The following ACVR1C variants were observed in gnomAD, a reference collection of about 807,000 sequenced individuals.
ACVR1C encodes activin receptor type-1C.
In ACVR1C, 23 loss-of-function variants were observed where a neutral mutation model predicts 57.9. That is an observed-to-expected ratio of 0.40 (90% CI 0.29 to 0.56). The LOEUF is 0.56. Among genes scored for constraint, ACVR1C ranks in the 20% least tolerant of loss-of-function variants. The pLI, the probability that ACVR1C is intolerant of heterozygous loss-of-function variation, is 0.50. For missense variants in ACVR1C, 480 were observed against 607.9 expected (o/e 0.79, Z 2.21); for synonymous variants, 214 against 215.3 (o/e 0.99, Z 0.05).
chr2:157,579,740 A>T (rs1232169856), intron 2 of ACVR1C, among the ~76,000 whole-genome samples: 1 of 152,212 alleles, frequency 6.6e-6, no homozygotes, highest in Non-Finnish European at 1.5e-5. Flanking sequence ...CCTCTTTATT[A>T]ACAAACAATA....
intron 1 of ACVR1C, among the ~76,000 whole-genome samples, chr2:157,623,042 A>AT (rs1453540636): frequency 6.6e-6 from 1 of 152,232 alleles, no homozygotes; most frequent in Non-Finnish European, 1.5e-5. Context: ...AGAAATGCAA[A>AT]TAAAAACTAC....
intron 8 of ACVR1C, among the ~76,000 whole-genome samples, chr2:157,536,865 T>G (rs1386014282): frequency 6.6e-6 from 1 of 152,154 alleles, no homozygotes; most frequent in Non-Finnish European, 1.5e-5. Flanking sequence ...TGTACAAAAT[T>G]GTTCACACTA....
chr2:157,621,713 G>C (rs187635168), intron 1 of ACVR1C, among the ~76,000 whole-genome samples: 250 of 152,240 alleles, frequency 1.6e-3, no homozygotes, highest in Admixed American at 2.9e-3. Context: ...TGGAACTCCT[G>C]CCAGTTTCCA....
chr2:157,613,515 G>T (rs1324698485), intron 1 of ACVR1C, among the ~76,000 whole-genome samples: 2 of 152,058 alleles, frequency 1.3e-5, no homozygotes, highest in Non-Finnish European at 2.9e-5. Context: ...CCACAGATAT[G>T]GAGGGCCAAC....
intron 2 of ACVR1C, among the ~76,000 whole-genome samples, chr2:157,565,879 T>G (rs1688358222): frequency 6.6e-6 from 1 of 152,208 alleles, no homozygotes; most frequent in Non-Finnish European, 1.5e-5. Flanking sequence ...CCATTAGCAT[T>G]GGAATTTAAG....
intron 2 of ACVR1C, among the ~76,000 whole-genome samples, chr2:157,584,011 C>A (rs1487079284): frequency 6.6e-6 from 1 of 151,928 alleles, no homozygotes; most frequent in African/African-American, 2.4e-5. Context: ...AAAGATAAAT[C>A]AGACTTCATC....
Position 157,531,799 on chromosome 2 carries a change from T to G in ACVR1C, c.*2119A>C, listed in dbSNP as rs1474774623. Reference sequence around the variant, plus strand: ...AAATAAAGCTACTTTCTAAATGTGTTGCAAATGAAAGCAATTTTCAGACCT... The same window carrying G: ...AAATAAAGCTACTTTCTAAATGTGTGGCAAATGAAAGCAATTTTCAGACCT... On this transcript the variant is annotated 3_prime_UTR_variant, in exon 9 of 9. Coordinates refer to ENST00000243349, the MANE Select transcript of ACVR1C (RefSeq NM_145259.3). 1.3e-5 allele frequency: 2 copies of G among 152,122 alleles called. No homozygotes were observed. Among genetic ancestry groups the G allele is most frequent in the African/African-American group, 4.8e-5 (2 of 41,448 alleles). 9.4% of individuals were successfully genotyped at this position (152,122 alleles called of 1,614,324 possible).
At chr2:157,589,477 G>A (rs980596469) in intron 1 of ACVR1C, among the ~76,000 whole-genome samples, 1 of 151,728 alleles carries the variant, frequency 6.6e-6, no homozygotes, top group Admixed American at 6.6e-5. Context: ...CTCCCATTCT[G>A]TAGGTTATCT....
intron 1 of ACVR1C, among the ~76,000 whole-genome samples, chr2:157,614,919 A>G (rs1682607919): frequency 6.6e-6 from 1 of 152,146 alleles, no homozygotes; most frequent in Admixed American, 6.5e-5. Context: ...ATTTCTTATG[A>G]CAGCATATAG....
chr2:157,599,663 A>C (rs1329169100), intron 1 of ACVR1C, among the ~76,000 whole-genome samples: 1 of 152,194 alleles, frequency 6.6e-6, no homozygotes, highest in Non-Finnish European at 1.5e-5. Context: ...TTGTTTGTCA[A>C]ATCTATGATT....
At chr2:157,582,772 C>T (rs1444860128) in intron 2 of ACVR1C, among the ~76,000 whole-genome samples, 1 of 152,178 alleles carries the variant, frequency 6.6e-6, no homozygotes, top group African/African-American at 2.4e-5. Context: ...TATATCAGAA[C>T]AGAAGATATA....
At chr2:157,554,097 C>A (rs1687990766) in intron 3 of ACVR1C, among the ~76,000 whole-genome samples, 1 of 149,758 alleles carries the variant, frequency 6.7e-6, no homozygotes, top group South Asian at 2.1e-4. Context: ...GTAGGAGAAT[C>A]ACTTGAATCC....
chr2:157,537,315 G>T (rs1392347639), intron 8 of ACVR1C, among the ~76,000 whole-genome samples: 1 of 151,844 alleles, frequency 6.6e-6, no homozygotes, highest in East Asian at 1.9e-4. Context: ...TTTCAAACCT[G>T]GTAGTGGATT....
At chr2:157,571,372 A>G in intron 2 of ACVR1C, among the ~76,000 whole-genome samples, 1 of 5,006 alleles carries the variant, frequency 2.0e-4, no homozygotes, top group Non-Finnish European at 3.6e-4. Flanking sequence ...AATGGGATCT[A>G]ATTAAACTAA....
At chr2:157,548,273 C>A (rs1393260669) in intron 4 of ACVR1C, among the ~76,000 whole-genome samples, 45 of 147,126 alleles carry the variant, frequency 3.1e-4, no homozygotes, top group Non-Finnish European at 3.5e-4. Context: ...TCAAGGAAAT[C>A]AAAGAGGATA....
intron 1 of ACVR1C, among the ~76,000 whole-genome samples, chr2:157,595,960 G>A (rs545762119): frequency 6.6e-6 from 1 of 152,244 alleles, no homozygotes; most frequent in African/African-American, 2.4e-5. Flanking sequence ...TCTGTAATTC[G>A]CTTTTTAATT....
chr2:157,574,294 G>A (rs1688593108), intron 2 of ACVR1C, among the ~76,000 whole-genome samples: 2 of 152,192 alleles, frequency 1.3e-5, no homozygotes, highest in Admixed American at 1.3e-4. Context: ...GTTCATAGAA[G>A]GCACCTTCTC....
chr2:157,559,784 C>G (rs1056884098), intron 2 of ACVR1C, among the ~76,000 whole-genome samples: 2 of 151,454 alleles, frequency 1.3e-5, no homozygotes, highest in South Asian at 2.1e-4. Context: ...GCCTGGCTGA[C>G]GAATATTTCC....
intron 2 of ACVR1C, among the ~76,000 whole-genome samples, chr2:157,556,942 C>T (rs543978470): frequency 2.6e-5 from 4 of 152,164 alleles, no homozygotes; most frequent in East Asian, 1.9e-4. Context: ...GGATTACAGG[C>T]GTGAGCCACC....
Sources: allele counts gnomAD v4.1 joint callset (sites outside exome capture counted in the v4.1 genomes callset), GRCh38; gene constraint gnomAD v4.1.1; transcripts MANE v1.5; gene names NCBI Gene and HGNC (gene_info 2026-07-23, HGNC 2026-07-21).